Variants in NKAIN2 observed in about 807,000 individuals in gnomAD.
The protein encoded by NKAIN2 is sodium/potassium-transporting ATPase subunit beta-1-interacting protein 2.
Under a neutral mutation model 32.6 loss-of-function variants are expected in NKAIN2, and 14 were observed. The observed-to-expected ratio is 0.43, with a 90% confidence interval of 0.28 to 0.67. The LOEUF is 0.67. Ranked by LOEUF, NKAIN2 falls within the 30% of genes least tolerant of loss-of-function variation. NKAIN2 has a pLI of 0.17. For synonymous variants in NKAIN2, 80 were observed against 87.2 expected (o/e 0.92, Z 0.46); for missense variants, 198 against 258.3 (o/e 0.77, Z 1.60).
chr6:124,433,070 G>C (rs944566785), intron 3 of NKAIN2, among the ~76,000 whole-genome samples: 5 of 152,162 alleles, frequency 3.3e-5, no homozygotes, highest in African/African-American at 1.2e-4. Flanking sequence ...AAACTGGCAG[G>C]TTATGGTAAG....
chr6:123,976,780 CA>C (rs1240339658), intron 1 of NKAIN2, among the ~76,000 whole-genome samples: 1 of 151,966 alleles, frequency 6.6e-6, no homozygotes, highest in Non-Finnish European at 1.5e-5. Flanking sequence ...AAATGTTCTA[CA>C]AAAAGAACTA....
At chr6:123,866,722 G>GCCCGGCCCA (rs1582678180) in intron 1 of NKAIN2, among the ~76,000 whole-genome samples, 1 of 152,100 alleles carries the variant, frequency 6.6e-6, no homozygotes, top group Non-Finnish European at 1.5e-5. Context: ...GAGCCACCGC[G>GCCCGGCCCA]CCCGGCCCAC....
intron 1 of NKAIN2, among the ~76,000 whole-genome samples, chr6:124,082,166 C>T (rs1783999232): frequency 6.6e-6 from 1 of 151,980 alleles, no homozygotes; most frequent in African/African-American, 2.4e-5. Flanking sequence ...GAAGGGAGAC[C>T]TGAGCTGAGT....
intron 3 of NKAIN2, among the ~76,000 whole-genome samples, chr6:124,587,488 G>A (rs568473343): frequency 1.3e-5 from 2 of 152,142 alleles, no homozygotes; most frequent in African/African-American, 2.4e-5. Context: ...AAAGAGCAGG[G>A]ATTACAGATG....
intron 1 of NKAIN2, among the ~76,000 whole-genome samples, chr6:123,998,803 G>GTATATACATATATATATATA (rs1214882470): frequency 3.3e-4 from 45 of 136,084 alleles, no homozygotes; most frequent in Non-Finnish European, 1.1e-4. Flanking sequence ...TAGGGTGATG[G>GTATATACATATATATATATA]TATATACATA....
At chr6:124,280,847 C>T (rs1286555010) in intron 1 of NKAIN2, among the ~76,000 whole-genome samples, 1 of 152,140 alleles carries the variant, frequency 6.6e-6, no homozygotes, top group Non-Finnish European at 1.5e-5. Context: ...GATAATGCTA[C>T]TTATGATCCC....
At chr6:124,713,190 G>T (rs1375487673) in intron 4 of NKAIN2, among the ~76,000 whole-genome samples, 3 of 152,086 alleles carry the variant, frequency 2.0e-5, no homozygotes, top group African/African-American at 7.2e-5. Flanking sequence ...TATGCTTCCT[G>T]TTACATAGAT....
At chr6:124,372,128 A>G (rs1398034258) in intron 3 of NKAIN2, among the ~76,000 whole-genome samples, 1 of 152,166 alleles carries the variant, frequency 6.6e-6, no homozygotes, top group African/African-American at 2.4e-5. Flanking sequence ...TATTGGTACT[A>G]CAAAAAGCTC....
At chr6:124,410,325 G>T (rs186305547) in intron 3 of NKAIN2, among the ~76,000 whole-genome samples, 20 of 152,170 alleles carry the variant, frequency 1.3e-4, no homozygotes, top group African/African-American at 4.6e-4. Flanking sequence ...TCTCTTGTGG[G>T]CATTTAGTGC....
intron 1 of NKAIN2, among the ~76,000 whole-genome samples, chr6:124,054,032 A>G (rs1782528217): frequency 6.6e-6 from 1 of 152,138 alleles, no homozygotes; most frequent in Non-Finnish European, 1.5e-5. Context: ...GAATATTTCT[A>G]TCTGGTAAAG....
chr6:124,569,239 T>C (rs1403295213), intron 3 of NKAIN2, among the ~76,000 whole-genome samples: 8 of 152,244 alleles, frequency 5.3e-5, no homozygotes, highest in South Asian at 4.1e-4. Context: ...CCTTGTAAAA[T>C]ATCCTCCTGT....
chr6:124,078,782 G>A (rs1042946890), intron 1 of NKAIN2, among the ~76,000 whole-genome samples: 5 of 122,876 alleles, frequency 4.1e-5, no homozygotes, highest in African/African-American at 8.8e-5. Context: ...TGGCTATGTC[G>A]TTTTTGTGTG....
At chr6:124,586,101 G>A (rs1781702320) in intron 3 of NKAIN2, among the ~76,000 whole-genome samples, 1 of 152,068 alleles carries the variant, frequency 6.6e-6, no homozygotes. Flanking sequence ...AAATTCCCCT[G>A]TATCTCTTTG....
At chr6:124,647,187 GAAGA>G (rs1376675259) in intron 3 of NKAIN2, among the ~76,000 whole-genome samples, 1 of 151,864 alleles carries the variant, frequency 6.6e-6, no homozygotes, top group Non-Finnish European at 1.5e-5. Context: ...AAGAAGAAGT[GAAGA>G]AAGTAATATT....
intron 1 of NKAIN2, among the ~76,000 whole-genome samples, chr6:124,273,693 G>T (rs1794905805): frequency 6.6e-6 from 1 of 152,146 alleles, no homozygotes; most frequent in Admixed American, 6.5e-5. Context: ...ATAACTGCTT[G>T]TAGAAGTGTG....
intron 1 of NKAIN2, among the ~76,000 whole-genome samples, chr6:123,990,007 C>G (rs1779342659): frequency 6.6e-6 from 1 of 152,088 alleles, no homozygotes; most frequent in African/African-American, 2.4e-5. Context: ...CTAGGGAGGC[C>G]TCAGGAAACT....
In NKAIN2 at chr6:124,818,484, G is replaced by A. The variant is rs1289266721; in HGVS notation, c.617+16G>A. ...CTATGTACATGTAAGTATTTTACTT[G>A]GAAGGTACTCTTCTGGGGTACTAAA... On this transcript the variant is annotated intron_variant, in intron 6 of 6. Transcript: ENST00000368417. 1 of 1,313,686 alleles carries A rather than the reference G, an allele frequency of 7.6e-7. No homozygotes were observed. Among genetic ancestry groups the A allele is most frequent in the Non-Finnish European group, 1.1e-6 (1 of 914,118 alleles). The allele number at this position is 1,313,686 out of a possible 1,614,324, so 81.4% of individuals were successfully genotyped here.
chr6:124,020,107 G>A (rs930576967), intron 1 of NKAIN2, among the ~76,000 whole-genome samples: 1 of 152,128 alleles, frequency 6.6e-6, no homozygotes, highest in African/African-American at 2.4e-5. Context: ...TATTTGAACA[G>A]AGAAGGCAGC....
chr6:124,818,319 T>G, intron 5 of NKAIN2, 68 bp from the exon 6 acceptor site: 1 of 725,586 alleles, frequency 1.4e-6, no homozygotes, highest in Non-Finnish European at 2.4e-6. Flanking sequence ...ATTAGTAATC[T>G]GTGTGGGTGC....
Sources: gnomAD v4.1 joint callset for allele counts (sites outside exome capture counted in the v4.1 genomes callset) on GRCh38, gnomAD v4.1.1 for gene constraint, MANE v1.5 for transcripts, NCBI Gene and HGNC (gene_info 2026-07-23, HGNC 2026-07-21) for gene names.